Variants in CREB5 observed in about 807,000 individuals in gnomAD.
CREB5 encodes cyclic AMP-responsive element-binding protein 5.
CREB5 carries 19 observed loss-of-function variants against 57.1 expected under a neutral mutation model. The ratio of observed to expected loss-of-function variants is 0.33; its 90% CI spans 0.23 to 0.49. The LOEUF is 0.49. Among genes scored for constraint, CREB5 ranks in the 20% least tolerant of loss-of-function variants. The pLI, the probability that CREB5 is intolerant of heterozygous loss-of-function variation, is 0.99. For missense variants in CREB5, 579 were observed against 671.6 expected, an observed-to-expected ratio of 0.86 and a Z score of 1.52; for synonymous variants, 238 against 238.3, an observed-to-expected ratio of 1.00 and a Z score of 0.01.
chr7:28,491,137 G>C, intron 2 of CREB5: 6 of 871,600 alleles, frequency 6.9e-6, no homozygotes, highest in Non-Finnish European at 8.3e-6. Flanking sequence ...ACTCTTTCAA[G>C]AGCACTAGGC....
chr7:28,613,145 G>A (rs1007589854), intron 5 of CREB5, among the ~76,000 whole-genome samples: 2 of 152,166 alleles, frequency 1.3e-5, no homozygotes, highest in East Asian at 1.9e-4. Context: ...CAAACCATTC[G>A]TGAAGTAGCA....
At chr7:28,411,522 G>A (rs1787801064), upstream of CREB5, among the ~76,000 whole-genome samples, 2 of 122,648 alleles carry the variant, frequency 1.6e-5, no homozygotes, top group Non-Finnish European at 3.2e-5. Flanking sequence ...ATGACTTGTT[G>A]CAAGGGATCA....
intron 1 of CREB5, among the ~76,000 whole-genome samples, chr7:28,387,426 G>GTT (rs1213209797): frequency 6.7e-6 from 1 of 150,246 alleles, no homozygotes; most frequent in African/African-American, 2.4e-5. Flanking sequence ...GGGGTTGTTT[G>GTT]TTTTTTTTTC....
intron 7 of CREB5, among the ~76,000 whole-genome samples, chr7:28,755,299 G>A (rs534509499): frequency 1.3e-5 from 2 of 152,334 alleles, no homozygotes; most frequent in East Asian, 3.9e-4. Flanking sequence ...ATAGTGTAAA[G>A]AGAAGGGTAT....
chr7:28,422,754 G>A (rs1046724028), intron 1 of CREB5, among the ~76,000 whole-genome samples: 4 of 152,104 alleles, frequency 2.6e-5, no homozygotes, highest in Middle Eastern at 3.2e-3. Context: ...ATGAACTTCC[G>A]GTGAAGTGTA....
intron 1 of CREB5, among the ~76,000 whole-genome samples, chr7:28,438,242 C>A (rs1222309619): frequency 1.3e-5 from 2 of 152,048 alleles, no homozygotes; most frequent in Non-Finnish European, 2.9e-5. Flanking sequence ...ATGTAGATGA[C>A]CTTAACATAC....
chr7:28,299,790 C>T (rs1785068511), intron 1 of CREB5, among the ~76,000 whole-genome samples: 2 of 152,162 alleles, frequency 1.3e-5, no homozygotes, highest in Admixed American at 6.6e-5. Context: ...ATATATTTTG[C>T]AATGCTGCAA....
At position 28,520,226 on chromosome 7, in the gene CREB5, T is replaced by G. The variant is rs76262426; in HGVS notation, c.291+12489T>G. ...GAACTAGCTGACTCAGGTCAGTTTT[T>G]AAACATCAGTTTATAACTTGCTATG... On this transcript the variant is annotated intron_variant, in intron 4 of 10. Coordinates refer to ENST00000357727, the MANE Select transcript of CREB5 (RefSeq NM_182898.4). Among the ~76,000 whole-genome samples, 925 of 152,346 alleles carry G rather than the reference T, an allele frequency of 6.1e-3. 14 individuals are homozygous for G. Among genetic ancestry groups the G allele is most frequent in the African/African-American group, 0.021 (875 of 41,574 alleles).
At chr7:28,348,972 G>A (rs1166161245) in intron 1 of CREB5, among the ~76,000 whole-genome samples, 2 of 152,206 alleles carry the variant, frequency 1.3e-5, no homozygotes, top group Non-Finnish European at 2.9e-5. Context: ...TAGTATTAGT[G>A]CTGGGGAAAG....
intron 1 of CREB5, among the ~76,000 whole-genome samples, chr7:28,454,462 G>A (rs1345870649): frequency 6.6e-6 from 1 of 152,154 alleles, no homozygotes; most frequent in East Asian, 1.9e-4. Flanking sequence ...CCGTCCTATG[G>A]CATTCCTCAG....
At chr7:28,658,985 A>AT (rs931130244) in intron 5 of CREB5, among the ~76,000 whole-genome samples, 1 of 142,504 alleles carries the variant, frequency 7.0e-6, no homozygotes, top group Non-Finnish European at 1.5e-5. Context: ...ATATATGTAT[A>AT]TATAAGTCAT....
At chr7:28,499,971 G>T (rs929473950) in intron 3 of CREB5, among the ~76,000 whole-genome samples, 2 of 152,186 alleles carry the variant, frequency 1.3e-5, no homozygotes, top group Non-Finnish European at 2.9e-5. Context: ...TGCTTGGATG[G>T]AAGTTAGGGC....
At chr7:28,438,975 C>T (rs1789075936) in intron 1 of CREB5, among the ~76,000 whole-genome samples, 1 of 152,182 alleles carries the variant, frequency 6.6e-6, no homozygotes, top group South Asian at 2.1e-4. Flanking sequence ...AATAGCTGCA[C>T]TTCACTATGT....
intron 5 of CREB5, among the ~76,000 whole-genome samples, chr7:28,599,870 A>T (rs1796847605): frequency 6.6e-6 from 1 of 152,102 alleles, no homozygotes; most frequent in Non-Finnish European, 1.5e-5. Context: ...GATCTTTAGG[A>T]TACTATTGTC....
At chr7:28,333,660 G>A (rs763646467) in intron 1 of CREB5, among the ~76,000 whole-genome samples, 3 of 152,058 alleles carry the variant, frequency 2.0e-5, no homozygotes, top group Non-Finnish European at 2.9e-5. Context: ...TGTCTTCTGT[G>A]CCTGGCTTAT....
chr7:28,560,961 CGTGTGTGTGTGCGT>C (rs1795215874), intron 4 of CREB5, among the ~76,000 whole-genome samples: 2 of 23,908 alleles, frequency 8.4e-5, no homozygotes, highest in African/African-American at 1.3e-4. Context: ...CGTGTGTGTG[CGTGTGTGTGTGCGT>C]GTGTGCGTGC....
At chr7:28,463,473 G>A (rs544327715) in intron 1 of CREB5, among the ~76,000 whole-genome samples, 11 of 152,244 alleles carry the variant, frequency 7.2e-5, no homozygotes, top group South Asian at 4.1e-4. Flanking sequence ...GAAGAAAGCC[G>A]GGATTTTGTT....
intron 5 of CREB5, among the ~76,000 whole-genome samples, chr7:28,618,039 C>T (rs575878649): frequency 6.6e-6 from 1 of 152,086 alleles, no homozygotes; most frequent in East Asian, 1.9e-4. Flanking sequence ...TTTATGAGAA[C>T]GTGATAGGAA....
intron 1 of CREB5, among the ~76,000 whole-genome samples, chr7:28,320,559 A>C (rs977996566): frequency 6.6e-6 from 1 of 152,160 alleles, no homozygotes; most frequent in African/African-American, 2.4e-5. Context: ...TTACATAAAG[A>C]TCTAGTTCTG....
Sources: gnomAD v4.1 joint callset for allele counts (sites outside exome capture counted in the v4.1 genomes callset) on GRCh38, gnomAD v4.1.1 for gene constraint, MANE v1.5 for transcripts, NCBI Gene and HGNC (gene_info 2026-07-23, HGNC 2026-07-21) for gene names.